RFX8: variants seen among roughly 807,000 people sequenced by gnomAD.
RFX8 encodes the protein regulatory factor X8, also known as DNA-binding protein RFX8.
A neutral mutation model predicts 54.6 loss-of-function variants in RFX8; 46 were observed. The ratio of observed to expected loss-of-function variants is 0.84; its 90% CI spans 0.67 to 1.08. The LOEUF is 1.08. Ranked by LOEUF, RFX8 falls within the 50% of genes least tolerant of loss-of-function variation. RFX8 has a pLI of 0.00. For missense variants in RFX8, 536 were observed against 562.3 expected, an observed-to-expected ratio of 0.95 and a Z score of 0.47; for synonymous variants, 192 against 209.5, an observed-to-expected ratio of 0.92 and a Z score of 0.72.
chr2:101,448,688 C>T (rs1399482158), intron 2 of RFX8, among the ~76,000 whole-genome samples: 1 of 152,224 alleles, frequency 6.6e-6, no homozygotes, highest in African/African-American at 2.4e-5. Flanking sequence ...ATACTGGAGG[C>T]TCCTCATCTC....
Position 101,452,559 on chromosome 2 carries a change from A to C in RFX8, c.72+14218T>G, listed in dbSNP as rs79442461. On this transcript the variant is annotated intron_variant, in intron 2 of 11. Transcript: ENST00000428343. The stretch of plus-strand genomic sequence containing the variant: ...TCCTTTTCCTCTTTTCTAATAAGCA[A>C]ACAATAAAGAAAATAAATATAATAA... 1.9e-3 allele frequency: 786 copies of C among 419,366 alleles called. 10 individuals carry two copies. The highest frequency in any genetic ancestry group is 0.013 in the African/African-American group (624 of 48,948). The allele number at this position is 419,366 out of a possible 1,614,324, so 26.0% of individuals were successfully genotyped here.
intron 1 of RFX8, chr2:101,474,125 A>G (rs1408626497): frequency 7.4e-6 from 4 of 541,300 alleles, no homozygotes; most frequent in Non-Finnish European, 1.3e-5. Flanking sequence ...TCCCGAGGGC[A>G]GCCGTAGCGG....
rs1686606343 is a variant in RFX8 at position 101,417,626 on chromosome 2, T to C, written c.410A>G (p.Lys137Arg). The change falls in exon 6 of 12, where the codon AAA becomes AGA. Residue 137 changes from lysine to arginine, a missense_variant. Lys to Arg is a conservative substitution (Grantham distance 26). Coordinates refer to ENST00000428343, the MANE Select transcript of RFX8 (RefSeq NM_001145664.2). Reference sequence around the variant, plus strand: ...TTTCTTACTAAATAACTGCACAGATTTCAGGTACTGAATAGAAACATCTTC... The same window carrying C: ...TTTCTTACTAAATAACTGCACAGATCTCAGGTACTGAATAGAAACATCTTC... ...FLEDVSIQYLKSVQLFSKKFK... is the reference protein window; with the variant it reads ...FLEDVSIQYLRSVQLFSKKFK... The C allele has an allele frequency of 2.6e-6, 4 of 1,551,370 alleles. No homozygotes were observed. Among genetic ancestry groups the C allele is most frequent in the Non-Finnish European group, 3.5e-6 (4 of 1,146,750 alleles).
chr2:101,462,935 T>C (rs1462861226), intron 2 of RFX8, among the ~76,000 whole-genome samples: 3 of 152,068 alleles, frequency 2.0e-5, no homozygotes, highest in African/African-American at 4.8e-5. Context: ...TTCTTTATAA[T>C]AGATGTGGCC....
chr2:101,462,222 G>T (rs796786831), intron 2 of RFX8, among the ~76,000 whole-genome samples: 11 of 152,270 alleles, frequency 7.2e-5, no homozygotes, highest in African/African-American at 1.9e-4. Flanking sequence ...AAGCCCAGGG[G>T]TCCAAGACCA....
At chr2:101,419,500 C>A (rs944286420) in intron 4 of RFX8, among the ~76,000 whole-genome samples, 1 of 152,262 alleles carries the variant, frequency 6.6e-6, no homozygotes, top group Non-Finnish European at 1.5e-5. Context: ...CGTGGAGGAT[C>A]AAAATGGCGG....
intron 9 of RFX8, among the ~76,000 whole-genome samples, chr2:101,407,892 C>T (rs531295430): frequency 4.2e-4 from 64 of 152,298 alleles, no homozygotes; most frequent in Admixed American, 7.8e-4. Context: ...GCCCTCTGCT[C>T]GCTGACTGCC....
intron 4 of RFX8, among the ~76,000 whole-genome samples, chr2:101,419,810 G>A (rs1342977708): frequency 6.6e-6 from 1 of 152,172 alleles, no homozygotes; most frequent in East Asian, 1.9e-4. Flanking sequence ...ATTCTAGAGA[G>A]GACTTCTCCA....
At chr2:101,466,571 C>T (rs1394829117) in intron 2 of RFX8, among the ~76,000 whole-genome samples, 1 of 152,120 alleles carries the variant, frequency 6.6e-6, no homozygotes, top group Non-Finnish European at 1.5e-5. Context: ...CTTCCTGGCC[C>T]CTCACTATGA....
intron 9 of RFX8, among the ~76,000 whole-genome samples, chr2:101,408,446 C>T (rs543995798): frequency 4.5e-4 from 68 of 150,766 alleles, no homozygotes; most frequent in Admixed American, 1.6e-3. Context: ...GATCGCGCCA[C>T]TGCACTCCAG....
chr2:101,452,284 T>C, intron 2 of RFX8: 1 of 632,022 alleles, frequency 1.6e-6, no homozygotes, highest in Non-Finnish European at 2.6e-6. Context: ...TAAGAGTTGT[T>C]ATTTATAGTT....
chr2:101,464,609 A>G (rs1176012612), intron 2 of RFX8, among the ~76,000 whole-genome samples: 1 of 152,132 alleles, frequency 6.6e-6, no homozygotes, highest in African/African-American at 2.4e-5. Flanking sequence ...ACCTTTCCCA[A>G]TACCAGCTCA....
Position 101,469,339 on chromosome 2 carries a change from G to C in RFX8, c.-52-2439C>G, listed in dbSNP as rs565545928. ...AGATACTTAAAAAAAAATTTTTGTAGAGACGGTCTCACTATGTTGCCCAAG... is the reference window on the plus strand; with the variant it reads ...AGATACTTAAAAAAAAATTTTTGTACAGACGGTCTCACTATGTTGCCCAAG... On this transcript the variant is annotated intron_variant, in intron 1 of 11. Transcript: ENST00000428343. 8.6e-5 allele frequency among the ~76,000 whole-genome samples: 13 copies of C among 151,444 alleles called. No individual in the cohort carries two copies. The East Asian group carries it at 2.3e-3, about 27-fold the overall frequency.
chr2:101,460,571 CA>C (rs944187603), intron 2 of RFX8, among the ~76,000 whole-genome samples: 1 of 152,078 alleles, frequency 6.6e-6, no homozygotes, highest in Admixed American at 6.6e-5. Context: ...GCATCCATGA[CA>C]TGCATGTTGA....
At chr2:101,453,466 C>G (rs919834204) in intron 2 of RFX8, among the ~76,000 whole-genome samples, 2 of 151,780 alleles carry the variant, frequency 1.3e-5, no homozygotes, top group African/African-American at 4.8e-5. Context: ...GGTGAAAACC[C>G]GTCTCTACTA....
At chr2:101,452,270 T>C (rs1039547687) in intron 2 of RFX8, 1 of 571,848 alleles carries the variant, frequency 1.7e-6, no homozygotes, top group Non-Finnish European at 2.9e-6. Context: ...TGGACACTCT[T>C]TGGTAAGAGT....
chr2:101,464,589 C>T (rs1689475967), intron 2 of RFX8, among the ~76,000 whole-genome samples: 1 of 152,180 alleles, frequency 6.6e-6, no homozygotes. Flanking sequence ...ACAAATTCAG[C>T]AGCACAGAGA....
intron 2 of RFX8, among the ~76,000 whole-genome samples, chr2:101,443,738 T>G (rs1026790298): frequency 2.0e-5 from 3 of 152,062 alleles, no homozygotes; most frequent in African/African-American, 7.2e-5. Context: ...GTCTGTTACG[T>G]CAATAGGTGT....
intron 2 of RFX8, among the ~76,000 whole-genome samples, chr2:101,426,762 C>A (rs1228192550): frequency 1.3e-5 from 2 of 152,106 alleles, no homozygotes; most frequent in Admixed American, 6.5e-5. Context: ...ACCTTTCCAC[C>A]ATCACCTGCT....
Sources: allele counts gnomAD v4.1 joint callset (sites outside exome capture counted in the v4.1 genomes callset), GRCh38; gene constraint gnomAD v4.1.1; transcripts MANE v1.5; gene names NCBI Gene and HGNC (gene_info 2026-07-23, HGNC 2026-07-21).